The following STAU2 variants were observed in gnomAD, a reference collection of about 807,000 sequenced individuals.
The protein encoded by STAU2 is staufen double-stranded RNA binding protein 2.
Under a neutral mutation model 65.9 loss-of-function variants are expected in STAU2, and 20 were observed. The ratio of observed to expected loss-of-function variants is 0.30; its 90% CI spans 0.21 to 0.44. The LOEUF is 0.44. Ranked by LOEUF, STAU2 falls within the 20% of genes least tolerant of loss-of-function variation. The pLI, the probability that STAU2 is intolerant of heterozygous loss-of-function variation, is 1.00. For synonymous variants in STAU2, 232 were observed against 233.9 expected (o/e 0.99, Z 0.07); for missense variants, 558 against 683.9 (o/e 0.82, Z 2.05).
chr8:73,650,083 C>T (rs1054830331), intron 6 of STAU2, among the ~76,000 whole-genome samples: 1 of 151,582 alleles, frequency 6.6e-6, no homozygotes, highest in Non-Finnish European at 1.5e-5. Context: ...TAACTGGTGA[C>T]ACTGGACTTC....
intron 13 of STAU2, among the ~76,000 whole-genome samples, chr8:73,517,633 C>T (rs919684918): frequency 6.6e-6 from 1 of 152,000 alleles, no homozygotes; most frequent in Admixed American, 6.6e-5. Flanking sequence ...GATTAAATAA[C>T]CACATTTTTA....
intron 13 of STAU2, among the ~76,000 whole-genome samples, chr8:73,449,276 G>A (rs11774977): frequency 0.37 from 55,524 of 152,072 alleles, 11,560 homozygotes; most frequent in Admixed American, 0.53. Flanking sequence ...TCCAAGAGCA[G>A]GCATCAGGAT....
intron 4 of STAU2, among the ~76,000 whole-genome samples, chr8:73,708,623 ACT>A (rs762847315): frequency 1.3e-5 from 2 of 152,152 alleles, no homozygotes; most frequent in African/African-American, 4.8e-5. Flanking sequence ...TGGTATATTT[ACT>A]CTGTCTCCAT....
intron 6 of STAU2, among the ~76,000 whole-genome samples, chr8:73,671,185 C>A (rs1817641955): frequency 6.6e-6 from 1 of 152,050 alleles, no homozygotes; most frequent in Non-Finnish European, 1.5e-5. Flanking sequence ...AATCCTAACA[C>A]TTTGAGAGGC....
intron 12 of STAU2, among the ~76,000 whole-genome samples, chr8:73,565,699 C>A (rs1277764438): frequency 6.6e-6 from 1 of 152,130 alleles, no homozygotes; most frequent in Non-Finnish European, 1.5e-5. Flanking sequence ...ATTGAGTAAA[C>A]AATTATCTTG....
At chr8:73,575,853 G>T (rs1809507048) in intron 12 of STAU2, among the ~76,000 whole-genome samples, 1 of 151,966 alleles carries the variant, frequency 6.6e-6, no homozygotes, top group South Asian at 2.1e-4. Flanking sequence ...TTGAAGGTCA[G>T]GGTGGCCACT....
chr8:73,734,072 A>G (rs1806254103), intron 3 of STAU2, among the ~76,000 whole-genome samples: 1 of 152,120 alleles, frequency 6.6e-6, no homozygotes, highest in African/African-American at 2.4e-5. Flanking sequence ...AACATTACAT[A>G]TTGTATAATC....
At chr8:73,646,208 G>A (rs1305234557) in intron 6 of STAU2, among the ~76,000 whole-genome samples, 2 of 152,178 alleles carry the variant, frequency 1.3e-5, no homozygotes, top group Non-Finnish European at 2.9e-5. Flanking sequence ...TAAATGCATG[G>A]AAGGTGAAAG....
intron 13 of STAU2, among the ~76,000 whole-genome samples, chr8:73,424,102 C>T (rs1484048008): frequency 2.1e-5 from 3 of 144,780 alleles, no homozygotes; most frequent in African/African-American, 7.6e-5. Flanking sequence ...TTTTTACCAT[C>T]GCTACAGTTT....
chr8:73,630,242 G>A (rs1295177055), intron 6 of STAU2, among the ~76,000 whole-genome samples: 6 of 152,228 alleles, frequency 3.9e-5, no homozygotes, highest in African/African-American at 1.4e-4. Flanking sequence ...AGATACGCAA[G>A]GTATGCTTTT....
chr8:73,493,476 T>C (rs1048646107), intron 13 of STAU2, among the ~76,000 whole-genome samples: 2 of 151,750 alleles, frequency 1.3e-5, no homozygotes, highest in Admixed American at 1.3e-4. Context: ...GATTTAAATT[T>C]GAATAGACTC....
chr8:73,519,314 T>C (rs1403821247), intron 13 of STAU2, among the ~76,000 whole-genome samples: 1 of 152,202 alleles, frequency 6.6e-6, no homozygotes, highest in Non-Finnish European at 1.5e-5. Context: ...AAGTTCGTCT[T>C]GGTAAATTCT....
At chr8:73,729,740 T>C (rs551531303) in intron 3 of STAU2, among the ~76,000 whole-genome samples, 1 of 152,200 alleles carries the variant, frequency 6.6e-6, no homozygotes, top group Admixed American at 6.5e-5. Context: ...AAGTCTGTTA[T>C]ATTTTCTGTT....
At chr8:73,669,513 T>C (rs945158325) in intron 6 of STAU2, among the ~76,000 whole-genome samples, 4 of 152,164 alleles carry the variant, frequency 2.6e-5, no homozygotes, top group African/African-American at 9.7e-5. Flanking sequence ...ATGATCCCTG[T>C]CTAATTTCAC....
intron 13 of STAU2, among the ~76,000 whole-genome samples, chr8:73,423,558 C>CA (rs1816567024): frequency 6.6e-6 from 1 of 152,208 alleles, no homozygotes; most frequent in Non-Finnish European, 1.5e-5. Flanking sequence ...TGTTTTCATC[C>CA]TGGGGCATCC....
chr8:73,688,662 T>C lies in STAU2; in HGVS notation c.266A>G (p.Asn89Ser), dbSNP rs777566418. Reference sequence around the variant, plus strand: ...AGGAGTCACTGCCATACCTGGGTTATTGTTAACATTACTTTTGGGTGGCTT... The same window carrying C: ...AGGAGTCACTGCCATACCTGGGTTACTGTTAACATTACTTTTGGGTGGCTT... Reference protein sequence around the residue: ...VQKPPKSNVNNNPGSITPTVE... With the variant: ...VQKPPKSNVNSNPGSITPTVE... The change falls in exon 5 of 15, where the codon AAT becomes AGT. Residue 89 changes from asparagine to serine, a missense_variant. By Grantham distance (46) the Asn-to-Ser change is conservative. Transcript: ENST00000524300. The C allele has an allele frequency of 1.9e-5, 30 of 1,614,098 alleles. No individual in the cohort carries two copies. The highest frequency in any genetic ancestry group is 2.5e-5 in the Non-Finnish European group (30 of 1,180,008).
At chr8:73,697,917 T>C (rs1002551036) in intron 4 of STAU2, among the ~76,000 whole-genome samples, 24 of 151,830 alleles carry the variant, frequency 1.6e-4, no homozygotes, top group African/African-American at 5.6e-4. Flanking sequence ...CCATCTCTAC[T>C]AAAAATACAA....
chr8:73,571,522 A>C (rs896747150), intron 12 of STAU2, among the ~76,000 whole-genome samples: 14 of 152,210 alleles, frequency 9.2e-5, no homozygotes, highest in Non-Finnish European at 1.5e-4. Flanking sequence ...GCAAATGTAA[A>C]AGAACAGAAA....
intron 13 of STAU2, among the ~76,000 whole-genome samples, chr8:73,423,360 T>C (rs1455838148): frequency 6.6e-6 from 1 of 152,210 alleles, no homozygotes; most frequent in Non-Finnish European, 1.5e-5. Context: ...CCTTGCTGTA[T>C]AGCTGGGAGG....
Sources: gnomAD v4.1 joint callset for allele counts (sites outside exome capture counted in the v4.1 genomes callset) on GRCh38, gnomAD v4.1.1 for gene constraint, MANE v1.5 for transcripts, NCBI Gene and HGNC (gene_info 2026-07-23, HGNC 2026-07-21) for gene names.